Variants in KCNIP2 observed in about 807,000 individuals in gnomAD.
The protein encoded by KCNIP2 is A-type potassium channel modulatory protein KCNIP2.
KCNIP2 carries 19 observed loss-of-function variants against 39.0 expected under a neutral mutation model. That is an observed-to-expected ratio of 0.49 (90% CI 0.34 to 0.71). The LOEUF is 0.71. Ranked by LOEUF, KCNIP2 falls within the 30% of genes least tolerant of loss-of-function variation. The pLI, the probability that KCNIP2 is intolerant of heterozygous loss-of-function variation, is 0.01. For missense variants in KCNIP2, 261 were observed against 346.0 expected (o/e 0.75, Z 1.95); for synonymous variants, 111 against 131.2 (o/e 0.85, Z 1.05).
chr10:101,829,227 C>G (rs752014500), intron 3 of KCNIP2, 28 bp from the exon 4 acceptor site: 1 of 1,597,432 alleles, frequency 6.3e-7, no homozygotes, highest in South Asian at 1.1e-5. Context: ...ACAGCCGCGC[C>G]TCAGGCCCAG....
intron 1 of KCNIP2, among the ~76,000 whole-genome samples, chr10:101,836,339 G>A (rs932814386): frequency 2.0e-5 from 3 of 147,706 alleles, no homozygotes; most frequent in Non-Finnish European, 3.0e-5. Flanking sequence ...GTGCGGTGGC[G>A]CTAGCGATTC....
In KCNIP2 at chr10:101,828,128, C is replaced by T. The variant is rs756741869; in HGVS notation, c.597+23G>A. 22 of 1,606,164 alleles carry T rather than the reference C, an allele frequency of 1.4e-5. No homozygotes were observed. Among genetic ancestry groups the T allele is most frequent in the Non-Finnish European group, 1.9e-5 (22 of 1,172,820 alleles). On this transcript the variant is annotated intron_variant, in intron 7 of 9. Transcript: ENST00000356640. This position sits in a 1 kb window ranked among gnomAD's most constrained non-coding sequence, Gnocchi z 6.6. ...CCACCCCCATCACCGCCACAGACCCCCAGCCCTTCAGTTGCCCTGCACCTC... is the reference window on the plus strand; with the variant it reads ...CCACCCCCATCACCGCCACAGACCCTCAGCCCTTCAGTTGCCCTGCACCTC...
Position 101,828,325 on chromosome 10 carries a change from G to C in KCNIP2, c.489+64C>G. 2 of 1,610,604 alleles carry C rather than the reference G, an allele frequency of 1.2e-6. No homozygotes were observed. Among genetic ancestry groups the C allele is most frequent in the East Asian group, 4.5e-5 (2 of 44,858 alleles). On this transcript the variant is annotated intron_variant, in intron 6 of 9. Coordinates refer to ENST00000356640, the MANE Select transcript of KCNIP2 (RefSeq NM_173191.3). This position sits in a 1 kb window ranked among gnomAD's most constrained non-coding sequence, Gnocchi z 6.6. ...TCACCCAACTCCTTCTCTGGGTTTG[G>C]CCTGGAGATCCTGGCCCTGAACTCC...
At chr10:101,841,230 G>C (rs2066328151) in intron 1 of KCNIP2, among the ~76,000 whole-genome samples, 1 of 152,232 alleles carries the variant, frequency 6.6e-6, no homozygotes, top group Non-Finnish European at 1.5e-5. Context: ...TTCCCTGCAA[G>C]CCTGATGGGC....
intron 1 of KCNIP2, chr10:101,839,985 G>T: frequency 3.7e-6 from 2 of 542,582 alleles, no homozygotes; most frequent in South Asian, 2.2e-5. Flanking sequence ...GCCTTCCCAT[G>T]TTCTCCTGGC....
intron 2 of KCNIP2, chr10:101,830,304 G>A (rs1424370833): frequency 3.3e-6 from 3 of 903,718 alleles, no homozygotes; most frequent in South Asian, 1.8e-5. Flanking sequence ...CTGGCGTCTG[G>A]AGGAGGGCAG....
intron 2 of KCNIP2, 101 bp downstream of exon 2, chr10:101,830,971 T>C (rs984982503): frequency 2.9e-6 from 3 of 1,048,208 alleles, no homozygotes; most frequent in Non-Finnish European, 4.3e-6. Context: ...GCCTGGAGCA[T>C]GCGCACACTC....
At position 101,828,981 on chromosome 10, in the gene KCNIP2, C is replaced by T; in HGVS notation, c.348+94G>A. 1 of 1,559,412 alleles carries T rather than the reference C, an allele frequency of 6.4e-7. No homozygotes were observed. Among genetic ancestry groups the T allele is most frequent in the Non-Finnish European group, 8.7e-7 (1 of 1,150,222 alleles). On this transcript the variant is annotated intron_variant, in intron 4 of 9. Coordinates refer to ENST00000356640, the MANE Select transcript of KCNIP2 (RefSeq NM_173191.3). The surrounding 1 kb of genome is among the most constrained non-coding windows in gnomAD (Gnocchi z 6.6). Reference sequence around the variant, plus strand: ...GGCCTTGCCTCCCTTCCGCCCACACCTCAAGCATCCAAGCCATGCTTTCTG... The same window carrying T: ...GGCCTTGCCTCCCTTCCGCCCACACTTCAAGCATCCAAGCCATGCTTTCTG...
rs756313037 is a variant in KCNIP2 at position 101,843,484 on chromosome 10, T to A, written c.73+12A>T. 1 of 1,543,650 alleles carries A rather than the reference T, an allele frequency of 6.5e-7. No homozygotes were observed. On this transcript the variant is annotated intron_variant, in intron 1 of 9. Transcript: ENST00000356640. This position sits in a 1 kb window ranked among gnomAD's most constrained non-coding sequence, Gnocchi z 6.7. The stretch of plus-strand genomic sequence containing the variant: ...CACCCTCCCTCCCGCGACCCCCACG[T>A]CACTGACTCACCCGTGAGCTGGTCG...
In KCNIP2 at chr10:101,830,105, C is replaced by G. The variant is rs530371125; in HGVS notation, c.170-208G>C. ...TCCGAATCCACCCCCGTGTGGGACC[C>G]ATCTAAGTCCAACACAACAGCATGC... On this transcript the variant is annotated intron_variant, in intron 2 of 9. Coordinates refer to ENST00000356640, the MANE Select transcript of KCNIP2 (RefSeq NM_173191.3). Among the ~76,000 whole-genome samples the G allele has an allele frequency of 2.0e-5, 3 of 152,266 alleles. No homozygotes were observed. The South Asian group carries it at 6.2e-4, about 32-fold the overall frequency.
chr10:101,826,699 G>A lies in KCNIP2; in HGVS notation c.*654C>T, dbSNP rs1487138277. 6.6e-6 allele frequency: 1 copy of A among 152,232 alleles called. No homozygotes were observed. The highest frequency in any genetic ancestry group is 1.5e-5 in the Non-Finnish European group (1 of 68,050). The allele number at this position is 152,232 out of a possible 1,614,324, so 9.4% of individuals were successfully genotyped here. A position where few individuals can be genotyped will look rare whatever the true frequency, so the allele number is the denominator to read the frequency against. On this transcript the variant is annotated 3_prime_UTR_variant, in exon 10 of 10. Coordinates refer to ENST00000356640, the MANE Select transcript of KCNIP2 (RefSeq NM_173191.3). ...GGAAAATTTCTGGGGCATTTCTAAG[G>A]AGACAAGGTCTTCTGCAAAGCCTGG...
chr10:101,840,057 C>CGGGGGGGGGGG (rs71016350), intron 1 of KCNIP2, among the ~76,000 whole-genome samples: 1 of 90,400 alleles, frequency 1.1e-5, no homozygotes, highest in Non-Finnish European at 2.2e-5. Flanking sequence ...AGTTCCTGGA[C>CGGGGGGGGGGG]GGGGGGGGGG....
Position 101,827,838 on chromosome 10 carries a change from G to T in KCNIP2, c.702+51C>A, listed in dbSNP as rs114881842. 282 of 1,548,208 alleles carry T rather than the reference G, an allele frequency of 1.8e-4. No homozygotes were observed. The African/African-American group carries it at 3.5e-3, about 19-fold the overall frequency. Reference sequence around the variant, plus strand: ...TCAGGTGAGTTCCCTGCTGGTTCTTGGCCTTCTTCCCTTCACTCCAGGGCC... The same window carrying T: ...TCAGGTGAGTTCCCTGCTGGTTCTTTGCCTTCTTCCCTTCACTCCAGGGCC... On this transcript the variant is annotated intron_variant, in intron 8 of 9. Coordinates refer to ENST00000356640, the MANE Select transcript of KCNIP2 (RefSeq NM_173191.3).
In KCNIP2 at chr10:101,828,134, C is replaced by T. The variant is rs1564660403; in HGVS notation, c.597+17G>A. ...CCATCACCGCCACAGACCCCCAGCC[C>T]TTCAGTTGCCCTGCACCTCCTTGGT... On this transcript the variant is annotated intron_variant, in intron 7 of 9. Transcript: ENST00000356640. The surrounding 1 kb of genome is among the most constrained non-coding windows in gnomAD (Gnocchi z 6.6). 1.2e-6 allele frequency: 2 copies of T among 1,610,192 alleles called. No homozygotes were observed. Among genetic ancestry groups the T allele is most frequent in the South Asian group, 2.2e-5 (2 of 90,994 alleles).
chr10:101,828,542 C>T lies in KCNIP2; in HGVS notation c.419-83G>A. 2.5e-6 allele frequency: 4 copies of T among 1,598,358 alleles called. No homozygotes were observed. The highest frequency in any genetic ancestry group is 1.1e-5 in the South Asian group (1 of 90,452). On this transcript the variant is annotated intron_variant, in intron 5 of 9. Coordinates refer to ENST00000356640, the MANE Select transcript of KCNIP2 (RefSeq NM_173191.3). The surrounding 1 kb of genome is among the most constrained non-coding windows in gnomAD (Gnocchi z 6.6). ...AGGAGCTCCCCATACCCCCCATCAC[C>T]TTGGCATTCCCAGCTCCTCCAGAAT...
intron 1 of KCNIP2, among the ~76,000 whole-genome samples, chr10:101,834,016 C>T (rs2066072844): frequency 6.6e-6 from 1 of 152,102 alleles, no homozygotes. Flanking sequence ...ACACTGCACC[C>T]CTCATCACCT....
chr10:101,839,035 A>C (rs1264703103), intron 1 of KCNIP2, among the ~76,000 whole-genome samples: 2 of 152,152 alleles, frequency 1.3e-5, no homozygotes, highest in Non-Finnish European at 2.9e-5. Context: ...AAGGCTACAC[A>C]ACCAACTTAG....
intron 1 of KCNIP2, among the ~76,000 whole-genome samples, chr10:101,833,614 G>A (rs2066060481): frequency 6.6e-6 from 1 of 152,088 alleles, no homozygotes; most frequent in African/African-American, 2.4e-5. Context: ...GCCACATACT[G>A]TGCCACTCAG....
At chr10:101,829,718 ACCCC>A in intron 3 of KCNIP2, 122 bp downstream of exon 3, 3 of 111,664 alleles carry the variant, frequency 2.7e-5, no homozygotes, top group South Asian at 1.8e-4. Flanking sequence ...CTCCATCCAG[ACCCC>A]ACCCCCGGCC....
Sources: allele counts gnomAD v4.1 joint callset (sites outside exome capture counted in the v4.1 genomes callset), GRCh38; gene constraint gnomAD v4.1.1; non-coding constraint Gnocchi (gnomAD v3.1); transcripts MANE v1.5; gene names NCBI Gene and HGNC (gene_info 2026-07-23, HGNC 2026-07-21).